DNAI4: variants seen among roughly 807,000 people sequenced by gnomAD.
DNAI4 encodes the protein dynein axonemal intermediate chain 4.
In DNAI4, 85 loss-of-function variants were observed where a neutral mutation model predicts 105.8. That is an observed-to-expected ratio of 0.80 (90% CI 0.67 to 0.96). DNAI4 has a LOEUF of 0.96. DNAI4 is among the 40% of genes least tolerant of loss of function. DNAI4 has a pLI of 0.00. For synonymous variants in DNAI4, 352 were observed against 331.5 expected, an observed-to-expected ratio of 1.06 and a Z score of -0.67; for missense variants, 1,014 against 1,005.6, an observed-to-expected ratio of 1.01 and a Z score of -0.11.
intron 11 of DNAI4, 121 bp from the exon 12 acceptor site, chr1:66,834,269 T>C: frequency 1.4e-6 from 1 of 706,248 alleles, no homozygotes. Flanking sequence ...AATCCTTTTA[T>C]TGTTCAAAAA....
At chr1:66,863,311 T>C (rs934266720) in intron 6 of DNAI4, among the ~76,000 whole-genome samples, 1 of 152,204 alleles carries the variant, frequency 6.6e-6, no homozygotes, top group Non-Finnish European at 1.5e-5. Flanking sequence ...TTTTTTTCCT[T>C]AAAAATCAAA....
Position 66,833,607 on chromosome 1 carries a change from A to G in DNAI4, c.1991T>C (p.Met664Thr), listed in dbSNP as rs140343520. ...TACCTTGGGATGAAAAGCAAAACAC[A>G]TTCCAGGAGCCTGTCGAGATATCAA... ...EALISRQAPG[M>T]CFAFHPKDTN... Residue 664 changes from methionine to threonine, a missense_variant, in exon 13 of 17, where the codon ATG becomes ACG. Physicochemically the swap from Met to Thr is moderately conservative, Grantham distance 81. Transcript: ENST00000371026. 12 of 1,612,842 alleles carry G rather than the reference A, an allele frequency of 7.4e-6. No homozygotes were observed. In the South Asian group the frequency reaches 8.8e-5, roughly 12 times the overall value.
chr1:66,832,822 T>TA (rs1645896233), intron 13 of DNAI4, among the ~76,000 whole-genome samples: 1 of 151,918 alleles, frequency 6.6e-6, no homozygotes, highest in Non-Finnish European at 1.5e-5. Context: ...AAATTAAAAA[T>TA]AAAAAACAAA....
intron 7 of DNAI4, among the ~76,000 whole-genome samples, chr1:66,857,810 T>C (rs1358925808): frequency 6.6e-6 from 1 of 152,026 alleles, no homozygotes; most frequent in African/African-American, 2.4e-5. Context: ...GGTCTTGAAC[T>C]CCCGACCTCA....
Position 66,840,495 on chromosome 1 carries a change from T to A in DNAI4, c.1468A>T (p.Ser490Cys). The stretch of plus-strand genomic sequence containing the variant: ...GGATTTGTTTTATTCCAGGCAAGGC[T>A]GCTCACATTGAGGCCTTTGGTTAAG... ...CDLTKGLNVS[S>C]LAWNKTNPDL... Residue 490 changes from serine to cysteine, a missense_variant, in exon 9 of 17, where the codon AGC becomes TGC. By Grantham distance (112) the Ser-to-Cys change is moderately radical. Coordinates refer to ENST00000371026, the MANE Select transcript of DNAI4 (RefSeq NM_024763.5). 2 of 1,614,244 alleles carry A rather than the reference T, an allele frequency of 1.2e-6. No homozygotes were observed. The highest frequency in any genetic ancestry group is 1.7e-6 in the Non-Finnish European group (2 of 1,180,034).
intron 1 of DNAI4, chr1:66,919,093 T>A: frequency 2.2e-6 from 1 of 444,864 alleles, no homozygotes; most frequent in Non-Finnish European, 4.5e-6. Flanking sequence ...TTCTTACATA[T>A]ATTGATTGAT....
chr1:66,864,197 A>C (rs976347608), intron 6 of DNAI4, among the ~76,000 whole-genome samples: 1 of 152,222 alleles, frequency 6.6e-6, no homozygotes, highest in Admixed American at 6.5e-5. Flanking sequence ...AAACCTGTCA[A>C]ATTGTATACA....
chr1:66,862,816 T>C (rs1007214677), intron 6 of DNAI4, among the ~76,000 whole-genome samples: 1 of 152,186 alleles, frequency 6.6e-6, no homozygotes, highest in Non-Finnish European at 1.5e-5. Flanking sequence ...CATAATCTCA[T>C]TGGTCTGTCA....
chr1:66,816,145 C>CA (rs1341589577), intron 16 of DNAI4, among the ~76,000 whole-genome samples: 2 of 151,634 alleles, frequency 1.3e-5, no homozygotes, highest in South Asian at 2.1e-4. Flanking sequence ...CCTGTCTGTA[C>CA]AAAAAATTAA....
intron 4 of DNAI4, among the ~76,000 whole-genome samples, chr1:66,887,907 C>T (rs1003396756): frequency 2.0e-5 from 3 of 151,752 alleles, no homozygotes; most frequent in Non-Finnish European, 4.4e-5. Flanking sequence ...TGTAGTGAGC[C>T]GAGATCGCAC....
intron 1 of DNAI4, among the ~76,000 whole-genome samples, chr1:66,915,687 T>C (rs961140385): frequency 6.6e-6 from 1 of 152,188 alleles, no homozygotes; most frequent in Non-Finnish European, 1.5e-5. Flanking sequence ...GAACAAGTTT[T>C]GTCTAATTCA....
chr1:66,832,245 A>G (rs1645881266), intron 13 of DNAI4, among the ~76,000 whole-genome samples: 1 of 152,204 alleles, frequency 6.6e-6, no homozygotes, highest in African/African-American at 2.4e-5. Flanking sequence ...AATAAGACAG[A>G]TCTGAACTAC....
At chr1:66,879,043 C>A (rs1342742157) in intron 4 of DNAI4, among the ~76,000 whole-genome samples, 1 of 152,156 alleles carries the variant, frequency 6.6e-6, no homozygotes, top group Admixed American at 6.5e-5. Flanking sequence ...TAAAAAACCT[C>A]CCACATTTTA....
intron 4 of DNAI4, among the ~76,000 whole-genome samples, chr1:66,889,014 G>C (rs569999573): frequency 6.6e-6 from 1 of 152,144 alleles, no homozygotes; most frequent in Admixed American, 6.5e-5. Flanking sequence ...AGAGAAAGCT[G>C]GGGGAGGTTA....
intron 7 of DNAI4, among the ~76,000 whole-genome samples, chr1:66,861,447 C>T (rs570654684): frequency 1.3e-5 from 2 of 152,270 alleles, no homozygotes; most frequent in South Asian, 4.1e-4. Flanking sequence ...TGGAATTGAA[C>T]AAACTTCTCA....
intron 1 of DNAI4, among the ~76,000 whole-genome samples, chr1:66,920,937 T>A (rs1201186438): frequency 6.6e-6 from 1 of 152,190 alleles, no homozygotes; most frequent in Non-Finnish European, 1.5e-5. Flanking sequence ...GCCTATTTAA[T>A]CTCAGTTCAT....
At chr1:66,853,075 A>G (rs1266385645) in intron 7 of DNAI4, among the ~76,000 whole-genome samples, 2 of 152,212 alleles carry the variant, frequency 1.3e-5, no homozygotes, top group African/African-American at 4.8e-5. Context: ...TGGTTAGGTG[A>G]GACACCATGA....
rs770091914 is a variant in DNAI4 at position 66,862,303 on chromosome 1, CTAGA to C, written c.941-5_941-2del. 1.9e-6 allele frequency: 3 copies of C among 1,604,466 alleles called. No homozygotes were observed. The highest frequency in any genetic ancestry group is 1.1e-5 in the South Asian group (1 of 88,434). On this transcript the variant is annotated splice_acceptor_variant and splice_polypyrimidine_tract_variant and intron_variant, in intron 6 of 16. Coordinates refer to ENST00000371026, the MANE Select transcript of DNAI4 (RefSeq NM_024763.5). LOFTEE classifies it high-confidence loss of function. ...AAATCCCAGGCAGTGGACATTATGC[CTAGA>C]TAAAGACACAGAAAGGTAAAAATTG...
At chr1:66,836,260 GAAAGAAAGAA>G (rs1308277235) in intron 10 of DNAI4, among the ~76,000 whole-genome samples, 1,775 of 16,300 alleles carry the variant, frequency 0.11, 37 homozygotes, top group Middle Eastern at 0.14. Context: ...GAGAGAGAAA[GAAAGAAAGAA>G]AGAAAGAAAG....
Sources: gnomAD v4.1 joint callset for allele counts (sites outside exome capture counted in the v4.1 genomes callset) on GRCh38, gnomAD v4.1.1 for gene constraint, MANE v1.5 for transcripts, NCBI Gene and HGNC (gene_info 2026-07-23, HGNC 2026-07-21) for gene names.